RLN2: variants seen among roughly 807,000 people sequenced by gnomAD.
The protein encoded by RLN2 is relaxin 2, also known as prorelaxin H2.
A neutral mutation model predicts 7.3 loss-of-function variants in RLN2; 10 were observed. The observed-to-expected ratio is 1.36, with a 90% CI of 0.84 to 2.31. The LOEUF (loss-of-function observed/expected upper bound fraction) is 2.31. Among genes scored for constraint, RLN2 ranks in the 30% most tolerant of loss-of-function variants. The pLI is 0.00. For missense variants in RLN2, 298 were observed against 217.6 expected, an observed-to-expected ratio of 1.37 and a Z score of -2.32; for synonymous variants, 103 against 82.3, an observed-to-expected ratio of 1.25 and a Z score of -1.36.
At chr9:5,320,766 T>C in the RLN2 span, among the ~76,000 whole-genome samples, 1 of 152,082 alleles carries the variant, frequency 6.6e-6, no homozygotes, top group Admixed American at 6.6e-5. Flanking sequence ...CATTTAAAAA[T>C]ACTAAATAAA....
At chr9:5,307,016 C>T (rs780878518), upstream of RLN2, among the ~76,000 whole-genome samples, 1 of 151,874 alleles carries the variant, frequency 6.6e-6, no homozygotes, top group Non-Finnish European at 1.5e-5. Context: ...CTGAAGCAGA[C>T]ATAGAAAGGG....
chr9:5,317,992 C>CTGTGTGTGTGCGTG, the RLN2 span, among the ~76,000 whole-genome samples: 1 of 71,532 alleles, frequency 1.4e-5, no homozygotes, highest in African/African-American at 6.8e-5. Flanking sequence ...TTTAACAAAA[C>CTGTGTGTGTGCGTG]TATGTGTGTG....
the RLN2 span, among the ~76,000 whole-genome samples, chr9:5,310,300 C>A: frequency 6.6e-6 from 1 of 152,070 alleles, no homozygotes; most frequent in East Asian, 1.9e-4. Flanking sequence ...GAGAACAAAA[C>A]CACGAGATTC....
the RLN2 span, among the ~76,000 whole-genome samples, chr9:5,314,679 C>T: frequency 6.6e-6 from 1 of 152,002 alleles, no homozygotes; most frequent in Non-Finnish European, 1.5e-5. Flanking sequence ...GAGATACTCC[C>T]ATCCCCAAGG....
the RLN2 span, among the ~76,000 whole-genome samples, chr9:5,332,432 T>G: frequency 2.0e-5 from 3 of 152,026 alleles, no homozygotes; most frequent in Admixed American, 2.0e-4. Context: ...TATTGTCCCC[T>G]GGATAACTGG....
chr9:5,315,187 T>C, the RLN2 span, among the ~76,000 whole-genome samples: 4 of 152,110 alleles, frequency 2.6e-5, no homozygotes, highest in Non-Finnish European at 2.9e-5. Context: ...GAAACTCAGA[T>C]AGATCTGAGA....
At position 5,304,363 on chromosome 9, in the gene RLN2, C is replaced by A. The variant is rs367791756; in HGVS notation, c.211+7G>T. 1 of 1,576,308 alleles carries A rather than the reference C, an allele frequency of 6.3e-7. No individual in the cohort carries two copies. Among genetic ancestry groups the A allele is most frequent in the South Asian group, 1.1e-5 (1 of 88,976 alleles). ...CGGGAAGGCCGGGAGGGGGCGGGAG[C>A]TCTCACCTGCCACTGGTCTAGGTGT... On this transcript the variant is annotated splice_region_variant and intron_variant, in intron 1 of 1. Transcript: ENST00000381627.
At chr9:5,308,029 G>GT (rs888849412), upstream of RLN2, among the ~76,000 whole-genome samples, 17 of 150,558 alleles carry the variant, frequency 1.1e-4, 1 homozygote, top group South Asian at 8.4e-4. Flanking sequence ...CATTGGATCT[G>GT]TTTTTTTTCT....
chr9:5,300,275 T>C lies in RLN2; in HGVS notation c.381A>G (p.Glu127=), dbSNP rs1230541265. 1.2e-6 allele frequency: 2 copies of C among 1,614,064 alleles called. No homozygotes were observed. Among genetic ancestry groups the C allele is most frequent in the South Asian group, 2.2e-5 (2 of 91,062 alleles). ...TATTGCGAATAAGTTTCTTAAATTCTTCAAAGAGAAGACTGGAATCTTTTA... is the reference window on the plus strand; with the variant it reads ...TATTGCGAATAAGTTTCTTAAATTCCTCAAAGAGAAGACTGGAATCTTTTA... ...PVLKDSSLLF[E]EFKKLIRNRQ... The change falls in exon 2 of 2, where the codon GAA becomes GAG. Residue 127 remains glutamate (E), a synonymous_variant. Transcript: ENST00000381627.
the RLN2 span, among the ~76,000 whole-genome samples, chr9:5,325,818 C>A: frequency 6.6e-6 from 1 of 151,986 alleles, no homozygotes; most frequent in Non-Finnish European, 1.5e-5. Flanking sequence ...TTTAAGGTTG[C>A]AATATCTATA....
Position 5,299,952 on chromosome 9 carries a change from T to C in RLN2, c.*146A>G, listed in dbSNP as rs1375505279. 4 of 496,186 alleles carry C rather than the reference T, an allele frequency of 8.1e-6. 1 individual carries two copies. Among genetic ancestry groups the C allele is most frequent in the Admixed American group, 3.7e-5 (1 of 26,738 alleles). The allele number at this position is 496,186 out of a possible 1,614,324, so 30.7% of individuals were successfully genotyped here. A position where few individuals can be genotyped will look rare whatever the true frequency, so the allele number is the denominator to read the frequency against. On this transcript the variant is annotated 3_prime_UTR_variant, in exon 2 of 2. Transcript: ENST00000381627. ...AAATCTAAACATCAACAAAGATGTT[T>C]AGATATTCTAAGAATTGATGGGACC... is the stretch of plus-strand genomic sequence containing the variant.
chr9:5,324,458 A>G, the RLN2 span, among the ~76,000 whole-genome samples: 2 of 152,026 alleles, frequency 1.3e-5, no homozygotes, highest in African/African-American at 2.4e-5. Context: ...AGTGTAAAAT[A>G]AATTCCAATT....
chr9:5,335,654 A>G, the RLN2 span: 2 of 1,073,540 alleles, frequency 1.9e-6, no homozygotes, highest in Non-Finnish European at 2.7e-6. Context: ...AAGAGCATTC[A>G]GAAAAACTGT....
chr9:5,324,491 A>G, the RLN2 span, among the ~76,000 whole-genome samples: 1,184 of 152,180 alleles, frequency 7.8e-3, 16 homozygotes, highest in Non-Finnish European at 0.01. Flanking sequence ...TCCTATTACC[A>G]TAATGAAATA....
At chr9:5,322,993 G>T in the RLN2 span, among the ~76,000 whole-genome samples, 2 of 151,692 alleles carry the variant, frequency 1.3e-5, no homozygotes, top group Admixed American at 6.6e-5. Flanking sequence ...CATTTGTAAA[G>T]GACATTTTTA....
At chr9:5,307,304 GATA>G (rs748450558), upstream of RLN2, among the ~76,000 whole-genome samples, 2 of 142,612 alleles carry the variant, frequency 1.4e-5, no homozygotes, top group South Asian at 4.4e-4. Context: ...TAGATAGATA[GATA>G]GATGATAGAT....
At chr9:5,333,253 G>T in the RLN2 span, among the ~76,000 whole-genome samples, 1 of 151,924 alleles carries the variant, frequency 6.6e-6, no homozygotes, top group East Asian at 1.9e-4. Flanking sequence ...GCCTCTGCCT[G>T]TTCATAGGTT....
the RLN2 span, among the ~76,000 whole-genome samples, chr9:5,316,450 C>G: frequency 1.8e-4 from 27 of 152,046 alleles, no homozygotes; most frequent in South Asian, 6.2e-4. Context: ...TAGCCCCTCA[C>G]CCCCTGAAAG....
the RLN2 span, chr9:5,311,693 G>A: frequency 2.8e-5 from 35 of 1,251,834 alleles, no homozygotes; most frequent in Non-Finnish European, 3.8e-5. Context: ...ACAGAAAGCC[G>A]AAGGTGCTGG....
Sources: gnomAD v4.1 joint callset for allele counts (sites outside exome capture counted in the v4.1 genomes callset) on GRCh38, gnomAD v4.1.1 for gene constraint, MANE v1.5 for transcripts, NCBI Gene and HGNC (gene_info 2026-07-23, HGNC 2026-07-21) for gene names.